The following RAD17 variants were observed in gnomAD, a reference collection of about 807,000 sequenced individuals.
RAD17 encodes RAD17 checkpoint clamp loader component, also known as cell cycle checkpoint protein RAD17.
A neutral mutation model predicts 81.5 loss-of-function variants in RAD17; 31 were observed. The ratio of observed to expected loss-of-function variants is 0.38; its 90% confidence interval spans 0.29 to 0.51. The LOEUF is 0.51. RAD17 is among the 20% of genes least tolerant of loss of function. The probability of loss-of-function intolerance (pLI) is 0.88; values close to 1 mark genes in which losing one functional copy is unlikely to be tolerated. For missense variants in RAD17, 681 were observed against 781.2 expected (o/e 0.87, Z 1.53); for synonymous variants, 261 against 266.2 (o/e 0.98, Z 0.19).
upstream of RAD17, chr5:69,369,587 C>T: frequency 6.2e-7 from 1 of 1,600,036 alleles, no homozygotes; most frequent in South Asian, 1.1e-5. Context: ...GCCCACGGCC[C>T]CAAAGGCCCC....
intron 16 of RAD17, among the ~76,000 whole-genome samples, chr5:69,398,351 A>G (rs760315450): frequency 1.1e-4 from 16 of 152,210 alleles, no homozygotes; most frequent in Admixed American, 3.3e-4. Context: ...TATATGGACA[A>G]GGTATTCACC....
chr5:69,377,686 T>TGCATAC (rs1306134914), intron 6 of RAD17, among the ~76,000 whole-genome samples: 3 of 118,692 alleles, frequency 2.5e-5, no homozygotes, highest in African/African-American at 9.3e-5. Flanking sequence ...TGCATATATA[T>TGCATAC]ATATGTATAC....
intron 6 of RAD17, among the ~76,000 whole-genome samples, chr5:69,377,827 G>A (rs1187708019): frequency 1.3e-5 from 2 of 151,174 alleles, no homozygotes; most frequent in East Asian, 2.0e-4. Context: ...TGCTAGAGAC[G>A]GTTGCCTACA....
At chr5:69,374,155 A>G (rs1384042889) in intron 5 of RAD17, 68 bp downstream of exon 5, 1 of 1,312,326 alleles carries the variant, frequency 7.6e-7, no homozygotes, top group East Asian at 2.4e-5. Flanking sequence ...GATGGGAAGC[A>G]GAGGGATTTA....
At chr5:69,393,081 A>G (rs1580403450) in intron 13 of RAD17, 74 bp from the exon 14 acceptor site, 6 of 992,270 alleles carry the variant, frequency 6.0e-6, no homozygotes, top group Non-Finnish European at 9.0e-6. Context: ...AAAATTTTCA[A>G]ACTCTTCAAA....
intron 12 of RAD17, among the ~76,000 whole-genome samples, chr5:69,391,098 C>T (rs1764528168): frequency 6.6e-6 from 1 of 151,820 alleles, no homozygotes; most frequent in African/African-American, 2.4e-5. Context: ...TTTAGCCGGG[C>T]ATACACCTGT....
At chr5:69,377,871 A>G (rs1763614074) in intron 6 of RAD17, among the ~76,000 whole-genome samples, 1 of 151,758 alleles carries the variant, frequency 6.6e-6, no homozygotes, top group Admixed American at 6.6e-5. Flanking sequence ...AGCTCACTGC[A>G]GCCTTGAACT....
At chr5:69,404,438 C>T (rs1396155515) in intron 17 of RAD17, among the ~76,000 whole-genome samples, 1 of 152,116 alleles carries the variant, frequency 6.6e-6, no homozygotes, top group East Asian at 1.9e-4. Flanking sequence ...GCAATTCCAG[C>T]CTGGGCAACA....
In RAD17 at chr5:69,381,969, A is replaced by G. The variant is rs777902658; in HGVS notation, c.420A>G (p.Ser140=). 6.2e-7 allele frequency: 1 copy of G among 1,606,466 alleles called. No homozygotes were observed. The highest frequency in any genetic ancestry group is 1.7e-4 in the Middle Eastern group (1 of 6,058). The change falls in exon 7 of 19, where the codon TCA becomes TCG. Residue 140 remains serine, a synonymous_variant. Transcript: ENST00000354868. ...AGACAACGACCTTAAAAATACTATCAAAGGAGCATGGTATTCAAGTACAAG... is the reference window on the plus strand; with the variant it reads ...AGACAACGACCTTAAAAATACTATCGAAGGAGCATGGTATTCAAGTACAAG... ...CGKTTTLKIL[S]KEHGIQVQEW...
At position 69,386,271 on chromosome 5, in the gene RAD17, G is replaced by T; in HGVS notation, c.790G>T (p.Glu264Ter). The change falls in exon 10 of 19, where the codon GAA becomes TAA. Residue 264 changes from glutamate (E) to a stop codon, truncating the protein, a stop_gained. Coordinates refer to ENST00000354868, the MANE Select transcript of RAD17 (RefSeq NM_133338.3). LOFTEE classifies it high-confidence loss of function. ...TAATCAAAGGTTATTGTTTCCCAAA[G>T]AAATTCAGGAAGAGTGTTCTATCTC... ...DNNQRLLFPK[E>*]IQEECSISNI... 6.2e-7 allele frequency: 1 copy of T among 1,606,074 alleles called. No individual in the cohort carries two copies.
chr5:69,375,113 A>G (rs1044497889), intron 6 of RAD17, among the ~76,000 whole-genome samples: 2 of 152,152 alleles, frequency 1.3e-5, no homozygotes, highest in Non-Finnish European at 2.9e-5. Flanking sequence ...AATACCAAAA[A>G]CCGTAAAAAG....
At chr5:69,399,580 C>T (rs17236534) in intron 16 of RAD17, among the ~76,000 whole-genome samples, 19,660 of 152,066 alleles carry the variant, frequency 0.13, 1,621 homozygotes, top group Admixed American at 0.2. Context: ...CTTGCTTTGT[C>T]TTTTATAGCA....
At chr5:69,370,243 A>C (rs1762855463) in intron 1 of RAD17, 1 of 153,886 alleles carries the variant, frequency 6.5e-6, no homozygotes, top group Non-Finnish European at 1.4e-5. Context: ...TCATTTCAGT[A>C]ACCTCGCATC....
Position 69,386,185 on chromosome 5 carries a change from A to G in RAD17, c.704A>G (p.Tyr235Cys). The G allele has an allele frequency of 6.2e-7, 1 of 1,603,984 alleles. No homozygotes were observed. Among genetic ancestry groups the G allele is most frequent in the Non-Finnish European group, 8.5e-7 (1 of 1,174,902 alleles). The change falls in exon 10 of 19, where the codon TAT (tyrosine) becomes TGT (cysteine). Residue 235 changes from tyrosine to cysteine, a missense_variant. Transcript: ENST00000354868. ...SHTLHEVLRK[Y>C]VRIGRCPLIF... ...GCTGTATTTTGTTATTTTAGGAAGT[A>G]TGTGAGGATTGGTCGATGTCCTCTT...
intron 6 of RAD17, among the ~76,000 whole-genome samples, chr5:69,375,343 C>A (rs1763268929): frequency 6.6e-6 from 1 of 152,124 alleles, no homozygotes; most frequent in South Asian, 2.1e-4. Context: ...ATGTTAGTTT[C>A]TCTACTAAAT....
Position 69,369,846 on chromosome 5 carries a change from C to T in RAD17, c.-504C>T, listed in dbSNP as rs1229668902. The T allele has an allele frequency of 2.2e-5, 18 of 809,300 alleles. No homozygotes were observed. Among genetic ancestry groups the T allele is most frequent in the African/African-American group, 3.5e-5 (2 of 57,048 alleles). The allele number at this position is 809,300 out of a possible 1,614,324, so 50.1% of individuals were successfully genotyped here. A position where few individuals can be genotyped will look rare whatever the true frequency, so the allele number is the denominator to read the frequency against. On this transcript the variant is annotated 5_prime_UTR_variant, in exon 1 of 19. Coordinates refer to ENST00000354868, the MANE Select transcript of RAD17 (RefSeq NM_133338.3). ...CCTCCGAGAGGCTCGGCGTTGAGCC[C>T]GGGTAGGGCCAGGTGGCTGCCCTTT...
intron 15 of RAD17, among the ~76,000 whole-genome samples, chr5:69,395,926 A>T (rs1764855619): frequency 1.3e-5 from 2 of 152,190 alleles, no homozygotes; most frequent in African/African-American, 4.8e-5. Context: ...CTAAAATATA[A>T]CTAGTTGATA....
chr5:69,389,979 T>C (rs1322177917), intron 12 of RAD17, among the ~76,000 whole-genome samples: 2 of 152,188 alleles, frequency 1.3e-5, no homozygotes, highest in African/African-American at 4.8e-5. Context: ...TTTAATAAAT[T>C]TATTTCCTGT....
At chr5:69,401,330 G>A (rs766785495) in intron 17 of RAD17, among the ~76,000 whole-genome samples, 3 of 152,232 alleles carry the variant, frequency 2.0e-5, no homozygotes, top group Non-Finnish European at 4.4e-5. Context: ...CATGCAGAAT[G>A]AGGCAAGCTT....
Sources: gnomAD v4.1 joint callset for allele counts (sites outside exome capture counted in the v4.1 genomes callset) on GRCh38, gnomAD v4.1.1 for gene constraint, MANE v1.5 for transcripts, NCBI Gene and HGNC (gene_info 2026-07-23, HGNC 2026-07-21) for gene names.